BCL2: variants seen among roughly 807,000 people sequenced by gnomAD.
The protein encoded by BCL2 is BCL2 apoptosis regulator, also known as apoptosis regulator Bcl-2.
Under a neutral mutation model 14.2 loss-of-function variants are expected in BCL2, and 1 was observed. That is an observed-to-expected ratio of 0.07 (90% confidence interval 0.02 to 0.33). The LOEUF (loss-of-function observed/expected upper bound fraction) is 0.33, where lower values mean the gene tolerates loss of function less well. Ranked by LOEUF, BCL2 falls within the 10% of genes least tolerant of loss-of-function variation. BCL2 has a pLI of 0.99. For missense variants in BCL2, 247 were observed against 305.9 expected, an observed-to-expected ratio of 0.81 and a Z score of 1.44; for synonymous variants, 151 against 137.2, an observed-to-expected ratio of 1.10 and a Z score of -0.70.
intron 2 of BCL2, among the ~76,000 whole-genome samples, chr18:63,136,359 TC>T (rs1914206164): frequency 6.6e-6 from 1 of 152,118 alleles, no homozygotes; most frequent in Non-Finnish European, 1.5e-5. Flanking sequence ...CCATCAAGCC[TC>T]CCTCTCTTCC....
At chr18:63,203,686 G>GCACACA (rs139308781) in intron 2 of BCL2, among the ~76,000 whole-genome samples, 3 of 148,926 alleles carry the variant, frequency 2.0e-5, no homozygotes, top group Admixed American at 2.0e-4. Context: ...ATATGCACAC[G>GCACACA]CACACACACA....
Position 63,131,098 on chromosome 18 carries a change from C to T in BCL2, c.586-2339G>A, listed in dbSNP as rs534662118. Among the ~76,000 whole-genome samples the T allele has an allele frequency of 1.2e-4, 19 of 152,140 alleles. No homozygotes were observed. In the South Asian group the frequency reaches 4.0e-3, roughly 32 times the overall value. On this transcript the variant is annotated intron_variant, in intron 2 of 2. Transcript: ENST00000333681. ...CAACATCCCACAATGCACAGGGCAG[C>T]CCCCCAATGCTAACAGGGCCGAGGC... is the stretch of plus-strand genomic sequence containing the variant.
chr18:63,269,027 C>T (rs1205731804), intron 2 of BCL2, among the ~76,000 whole-genome samples: 2 of 151,778 alleles, frequency 1.3e-5, no homozygotes, highest in Admixed American at 1.3e-4. Flanking sequence ...TAGCTCACTG[C>T]AGCCTCAAAT....
In BCL2 at chr18:63,318,059, C is replaced by T. The variant is rs377753316; in HGVS notation, c.585+23G>A. 4 of 1,612,446 alleles carry T rather than the reference C, an allele frequency of 2.5e-6. No individual in the cohort carries two copies. The African/African-American group carries it at 4.0e-5, about 16-fold the overall frequency. ...CTCGGACCTGTGGCCTCAGCCCAGA[C>T]TCACATCACCAAGTGCACCTACCCA... On this transcript the variant is annotated intron_variant, in intron 2 of 2. Transcript: ENST00000333681. The surrounding 1 kb of genome is among the most constrained non-coding windows in gnomAD (Gnocchi z 7.4).
intron 2 of BCL2, among the ~76,000 whole-genome samples, chr18:63,310,974 C>T (rs1178087637): frequency 1.3e-5 from 2 of 151,632 alleles, no homozygotes; most frequent in Non-Finnish European, 2.9e-5. Context: ...TAGGAGATAG[C>T]CCTGAAATTT....
At position 63,215,817 on chromosome 18, in the gene BCL2, G is replaced by T. The variant is rs564104482; in HGVS notation, c.586-87058C>A. On this transcript the variant is annotated intron_variant, in intron 2 of 2. Transcript: ENST00000333681. ...AATGGCTTTTATTTCAGGGTGGTGAGATTTTTTTTAATAAGGTGAAATGTT... is the reference window on the plus strand; with the variant it reads ...AATGGCTTTTATTTCAGGGTGGTGATATTTTTTTTAATAAGGTGAAATGTT... 1.4e-4 allele frequency among the ~76,000 whole-genome samples: 22 copies of T among 152,172 alleles called. No individual in the cohort carries two copies. The East Asian group carries it at 4.0e-3, about 28-fold the overall frequency.
chr18:63,212,190 G>C lies in BCL2; in HGVS notation c.586-83431C>G, dbSNP rs537674907. Among the ~76,000 whole-genome samples the C allele has an allele frequency of 6.7e-3, 1,012 of 151,386 alleles. 12 individuals carry two copies. Among genetic ancestry groups the C allele is most frequent in the African/African-American group, 0.023 (964 of 41,370 alleles). On this transcript the variant is annotated intron_variant, in intron 2 of 2. Coordinates refer to ENST00000333681, the MANE Select transcript of BCL2 (RefSeq NM_000633.3). Reference sequence around the variant, plus strand: ...AAAATACAAAAATTAGCTGGGCGTGGTGGCGGGCGCCTGTAGTCCCAGCTA... The same window carrying C: ...AAAATACAAAAATTAGCTGGGCGTGCTGGCGGGCGCCTGTAGTCCCAGCTA...
At chr18:63,317,919 C>T in intron 2 of BCL2, 163 bp downstream of exon 2, 3 of 1,447,924 alleles carry the variant, frequency 2.1e-6, no homozygotes, top group Non-Finnish European at 2.7e-6. Context: ...TGGGAGTGAA[C>T]GCTTTGTCCA....
rs184360708 is a variant in BCL2 at position 63,145,729 on chromosome 18, T to C, written c.586-16970A>G. Among the ~76,000 whole-genome samples the C allele has an allele frequency of 1.7e-4, 26 of 152,326 alleles. No individual in the cohort carries two copies. The East Asian group carries it at 4.8e-3, about 28-fold the overall frequency. ...AAGCCAAACACTTTCTTTCAGCATT[T>C]TGGCAGTTGCATGCTGAGAGGGAAT... On this transcript the variant is annotated intron_variant, in intron 2 of 2. Coordinates refer to ENST00000333681, the MANE Select transcript of BCL2 (RefSeq NM_000633.3).
chr18:63,145,595 CA>C (rs1239064143), intron 2 of BCL2, among the ~76,000 whole-genome samples: 1 of 152,228 alleles, frequency 6.6e-6, no homozygotes, highest in East Asian at 1.9e-4. Context: ...AAGTGTTTTA[CA>C]AGAACCTAGC....
At chr18:63,136,048 C>T (rs1332610633) in intron 2 of BCL2, among the ~76,000 whole-genome samples, 2 of 152,074 alleles carry the variant, frequency 1.3e-5, no homozygotes, top group Admixed American at 1.3e-4. Context: ...CTTTGGGCTA[C>T]CTCCTTCCTC....
At chr18:63,306,255 T>G (rs1913131148) in intron 2 of BCL2, among the ~76,000 whole-genome samples, 1 of 152,162 alleles carries the variant, frequency 6.6e-6, no homozygotes, top group Non-Finnish European at 1.5e-5. Flanking sequence ...TCCACTCTAG[T>G]CCTAATCATT....
At chr18:63,167,504 G>T (rs1264618563) in intron 2 of BCL2, among the ~76,000 whole-genome samples, 2 of 152,186 alleles carry the variant, frequency 1.3e-5, no homozygotes, top group Non-Finnish European at 2.9e-5. Flanking sequence ...CTGGGGCCAG[G>T]TGTGATGGCT....
intron 2 of BCL2, among the ~76,000 whole-genome samples, chr18:63,292,746 A>G (rs1912687584): frequency 6.6e-6 from 1 of 152,232 alleles, no homozygotes; most frequent in African/African-American, 2.4e-5. Context: ...TGAAATAAGT[A>G]TGGGGGTAAA....
intron 2 of BCL2, among the ~76,000 whole-genome samples, chr18:63,269,544 A>G (rs1039719275): frequency 6.6e-6 from 1 of 152,236 alleles, no homozygotes; most frequent in Non-Finnish European, 1.5e-5. Flanking sequence ...ATAGAAAAAT[A>G]TCAAGGAGAA....
chr18:63,310,410 G>A (rs190126197), intron 2 of BCL2, among the ~76,000 whole-genome samples: 26 of 152,210 alleles, frequency 1.7e-4, no homozygotes, highest in African/African-American at 5.5e-4. Flanking sequence ...CCCTCTCCCC[G>A]TATCGCCTGC....
At chr18:63,281,697 AAAGAAAGAAAG>A (rs1912316784) in intron 2 of BCL2, among the ~76,000 whole-genome samples, 2 of 148,510 alleles carry the variant, frequency 1.3e-5, no homozygotes, top group Non-Finnish European at 3.0e-5. Context: ...AGAAAGAAAG[AAAGAAAGAAAG>A]AAAGAAAGAA....
At chr18:63,214,295 C>T (rs568519270) in intron 2 of BCL2, among the ~76,000 whole-genome samples, 23 of 152,228 alleles carry the variant, frequency 1.5e-4, no homozygotes, top group Non-Finnish European at 2.6e-4. Flanking sequence ...AGGGATTGGA[C>T]TGTGCCACCA....
At chr18:63,180,202 T>C (rs1484400244) in intron 2 of BCL2, among the ~76,000 whole-genome samples, 2 of 152,376 alleles carry the variant, frequency 1.3e-5, no homozygotes. Context: ...TGACGGCTTA[T>C]GGAAAATGTG....
Sources: gnomAD v4.1 joint callset for allele counts (sites outside exome capture counted in the v4.1 genomes callset) on GRCh38, gnomAD v4.1.1 for gene constraint, Gnocchi (gnomAD v3.1) non-coding constraint, MANE v1.5 for transcripts, NCBI Gene and HGNC (gene_info 2026-07-23, HGNC 2026-07-21) for gene names.